Variants in CHRNB1 observed in about 807,000 individuals in gnomAD.
CHRNB1 encodes the protein cholinergic receptor nicotinic beta 1 subunit.
Under a neutral mutation model 53.8 loss-of-function variants are expected in CHRNB1, and 47 were observed. That is an observed-to-expected ratio of 0.87 (90% CI 0.69 to 1.11). CHRNB1 has a LOEUF of 1.11. Ranked by LOEUF, CHRNB1 falls within the 50% of genes most tolerant of loss-of-function variation. CHRNB1 has a pLI of 0.00. For missense variants in CHRNB1, 605 were observed against 654.9 expected (o/e 0.92, Z 0.83); for synonymous variants, 259 against 263.5 (o/e 0.98, Z 0.16).
At chr17:7,448,443 G>T in intron 6 of CHRNB1, 136 bp from the exon 7 acceptor site, 2 of 744,722 alleles carry the variant, frequency 2.7e-6, no homozygotes, top group African/African-American at 1.7e-5. Context: ...TTAGAGATGG[G>T]CTACTCAGCC....
chr17:7,454,167 C>T, intron 7 of CHRNB1, 130 bp from the exon 8 acceptor site: 3 of 813,724 alleles, frequency 3.7e-6, no homozygotes, highest in South Asian at 1.4e-5. Context: ...GCCAGGACTA[C>T]AGGTGTGAAC....
Position 7,446,889 on chromosome 17 carries a change from G to C in CHRNB1, c.300G>C (p.Ser100=), listed in dbSNP as rs376099204. ...WDPAEHDGID[S]LRITAESVWL... is the part of the protein sequence containing the mutation. ...CTGCGGAGCACGACGGCATCGATTC[G>C]CTCCGCATCACGGCGGAATCCGTGT... The change falls in exon 4 of 11, where the codon TCG becomes TCC. Residue 100 remains serine, a synonymous_variant. Coordinates refer to ENST00000306071, the MANE Select transcript of CHRNB1 (RefSeq NM_000747.3). 1.2e-6 allele frequency: 2 copies of C among 1,613,966 alleles called. No homozygotes were observed. The highest frequency in any genetic ancestry group is 1.7e-5 in the Admixed American group (1 of 60,028).
intron 3 of CHRNB1, 128 bp from the exon 4 acceptor site, chr17:7,446,705 C>G (rs1908648007): frequency 4.3e-6 from 3 of 705,766 alleles, no homozygotes; most frequent in Non-Finnish European, 7.5e-6. Flanking sequence ...AGAACCACGG[C>G]CCCTTGACCC....
intron 9 of CHRNB1, 22 bp from the exon 10 acceptor site, chr17:7,455,772 T>C (rs2069943544): frequency 2.5e-6 from 4 of 1,614,030 alleles, no homozygotes; most frequent in East Asian, 2.2e-5. Flanking sequence ...CGTTTGGGCG[T>C]GGCCAGTCAC....
At position 7,453,736 on chromosome 17, in the gene CHRNB1, C is replaced by T. The variant is rs961593454; in HGVS notation, c.821-561C>T. Among the ~76,000 whole-genome samples the T allele has an allele frequency of 2.6e-5, 4 of 151,756 alleles. No homozygotes were observed. The East Asian group carries it at 5.8e-4, about 22-fold the overall frequency. On this transcript the variant is annotated intron_variant, in intron 7 of 10. Transcript: ENST00000306071. ...TCAAATAGTTGGGACCACAAGCATG[C>T]GCCATTGTGCCTGGCTAATTTTTTT...
In CHRNB1 at chr17:7,445,170, G is replaced by A. The variant is rs748784992; in HGVS notation, c.43G>A (p.Ala15Thr). The A allele has an allele frequency of 1.2e-6, 2 of 1,609,434 alleles. No homozygotes were observed. The highest frequency in any genetic ancestry group is 2.2e-5 in the South Asian group (2 of 90,902). The change falls in exon 1 of 11, where the codon GCG (alanine) becomes ACG (threonine). Residue 15 changes from alanine to threonine, a missense_variant. By Grantham distance (58) the Ala-to-Thr change is moderately conservative. Coordinates refer to ENST00000306071, the MANE Select transcript of CHRNB1 (RefSeq NM_000747.3). This position sits in a 1 kb window ranked among gnomAD's most constrained non-coding sequence, Gnocchi z 5.7. ...GCTGATGCTGCTGGGGGCGCTGGGG[G>A]CGCCGCTCGCCCCAGGTAAGTGTAG... The part of the protein sequence containing the change: ...ALLMLLGALG[A>T]PLAPGVRGSE...
chr17:7,456,734 G>A lies in CHRNB1; in HGVS notation c.*11G>A. On this transcript the variant is annotated 3_prime_UTR_variant, in exon 11 of 11. Coordinates refer to ENST00000306071, the MANE Select transcript of CHRNB1 (RefSeq NM_000747.3). ...GACCCCTTTCCTTGAAGACTGGAGG[G>A]TTGAGACCCAGGCCCCCTGCCAGTT... The A allele has an allele frequency of 1.9e-6, 3 of 1,614,120 alleles. No individual in the cohort carries two copies. Among genetic ancestry groups the A allele is most frequent in the Non-Finnish European group, 2.5e-6 (3 of 1,180,032 alleles).
At position 7,445,085 on chromosome 17, in the gene CHRNB1, C is replaced by T; in HGVS notation, c.-43C>T. The T allele has an allele frequency of 6.3e-7, 1 of 1,592,590 alleles. No homozygotes were observed. The highest frequency in any genetic ancestry group is 8.5e-7 in the Non-Finnish European group (1 of 1,173,650). On this transcript the variant is annotated 5_prime_UTR_variant, in exon 1 of 11. Transcript: ENST00000306071. The surrounding 1 kb of genome is among the most constrained non-coding windows in gnomAD (Gnocchi z 5.7). ...CGTCACTTCCCCTGTGCTGGCGGTCCCAGCGGCTCTCTGAGCGAAGTCACT... is the reference window on the plus strand; with the variant it reads ...CGTCACTTCCCCTGTGCTGGCGGTCTCAGCGGCTCTCTGAGCGAAGTCACT...
In CHRNB1 at chr17:7,455,771, G is replaced by A. The variant is rs1354486284; in HGVS notation, c.1218-23G>A. 6.2e-6 allele frequency: 10 copies of A among 1,614,020 alleles called. No homozygotes were observed. The East Asian group carries it at 6.7e-5, about 11-fold the overall frequency. The stretch of plus-strand genomic sequence containing the variant: ...GCACTGGCTGTCTTTGCGTTTGGGC[G>A]TGGCCAGTCACTCCTCTTCCAGGTT... On this transcript the variant is annotated intron_variant, in intron 9 of 10. Coordinates refer to ENST00000306071, the MANE Select transcript of CHRNB1 (RefSeq NM_000747.3).
rs761035556 is a variant in CHRNB1 at position 7,445,398 on chromosome 17, C to G, written c.187C>G (p.Leu63Val). The change falls in exon 2 of 11, where the codon CTC becomes GTC. Residue 63 changes from leucine (L) to valine (V), a missense_variant. Transcript: ENST00000306071. The surrounding 1 kb of genome is among the most constrained non-coding windows in gnomAD (Gnocchi z 5.7). ...RVSVGLILAQ[L>V]ISLNEKDEEM... Reference sequence around the variant, plus strand: ...CAGCGTTGGTCTCATCCTGGCGCAACTCATCAGCCTGGTGAGGGCGCGCGG... The same window carrying G: ...CAGCGTTGGTCTCATCCTGGCGCAAGTCATCAGCCTGGTGAGGGCGCGCGG... 53 of 1,611,846 alleles carry G rather than the reference C, an allele frequency of 3.3e-5. No individual in the cohort carries two copies. The highest frequency in any genetic ancestry group is 1.3e-4 in the African/African-American group (10 of 74,804).
At chr17:7,452,752 G>C (rs1908934890) in intron 7 of CHRNB1, among the ~76,000 whole-genome samples, 1 of 152,220 alleles carries the variant, frequency 6.6e-6, no homozygotes, top group South Asian at 2.1e-4. Context: ...GCCAGGCGTG[G>C]TGGCTCACGC....
chr17:7,451,907 C>T (rs1438017543), intron 7 of CHRNB1, among the ~76,000 whole-genome samples: 1 of 152,168 alleles, frequency 6.6e-6, no homozygotes, highest in African/African-American at 2.4e-5. Flanking sequence ...GGCCACAGCC[C>T]CGCCGCCACC....
At chr17:7,446,493 C>A (rs1199595689) in intron 3 of CHRNB1, 2 of 514,160 alleles carry the variant, frequency 3.9e-6, no homozygotes, top group Admixed American at 3.3e-5. Context: ...GCACCTGGCC[C>A]ATTCTAATTT....
At position 7,454,435 on chromosome 17, in the gene CHRNB1, C is replaced by A. The variant is rs761535567; in HGVS notation, c.959C>A (p.Thr320Asn). ...KYLMFTMVLVTFSVILSVVVL... is the reference protein window; with the variant it reads ...KYLMFTMVLVNFSVILSVVVL... ...CTCATGTTTACCATGGTCCTCGTCA[C>A]CTTCTCAGTCATCCTTAGTGTCGTG... Residue 320 changes from threonine (T) to asparagine (N), a missense_variant, in exon 8 of 11, where the codon ACC becomes AAC. By Grantham distance (65) the Thr-to-Asn change is moderately conservative (BLOSUM62 0). Transcript: ENST00000306071. 1.2e-6 allele frequency: 2 copies of A among 1,614,110 alleles called. No individual in the cohort carries two copies. The highest frequency in any genetic ancestry group is 3.3e-5 in the Admixed American group (2 of 59,996).
rs1306312996 is a variant in CHRNB1 at position 7,447,452 on chromosome 17, C to T, written c.463-51C>T. ...CTCCCCAAAGACCTCCCAAACTCCA[C>T]CAGCGCTGACTGGTTCTCTGGCAGC... On this transcript the variant is annotated intron_variant, in intron 5 of 10. Coordinates refer to ENST00000306071, the MANE Select transcript of CHRNB1 (RefSeq NM_000747.3). 2.5e-6 allele frequency: 4 copies of T among 1,611,442 alleles called. No homozygotes were observed. In the Admixed American group the frequency reaches 5.0e-5, roughly 20 times the overall value.
In CHRNB1 at chr17:7,456,910, A is replaced by G. The variant is rs2069958466; in HGVS notation, c.*187A>G. The stretch of plus-strand genomic sequence containing the variant: ...GTCTTGGACCCACCTGAAATGCAGT[A>G]TCATCTGATTTACTCTTTGGGATCT... On this transcript the variant is annotated 3_prime_UTR_variant, in exon 11 of 11. Transcript: ENST00000306071. 4.4e-6 allele frequency: 3 copies of G among 674,236 alleles called. No individual in the cohort carries two copies. In the South Asian group the frequency reaches 5.5e-5, roughly 12 times the overall value. The allele number at this position is 674,236 out of a possible 1,614,324, so 41.8% of individuals were successfully genotyped here. A position where few individuals can be genotyped will look rare whatever the true frequency, so the allele number is the denominator to read the frequency against.
intron 6 of CHRNB1, 89 bp downstream of exon 6, chr17:7,447,739 AGCC>A: frequency 6.6e-7 from 1 of 1,511,106 alleles, no homozygotes; most frequent in Admixed American, 1.7e-5. Context: ...TGCCCAATAT[AGCC>A]CTGTGGGGTC....
Position 7,456,912 on chromosome 17 carries a change from C to A in CHRNB1, c.*189C>A. 1.5e-6 allele frequency: 1 copy of A among 665,754 alleles called. No individual in the cohort carries two copies. The highest frequency in any genetic ancestry group is 2.8e-5 in the Admixed American group (1 of 36,006). The allele number at this position is 665,754 out of a possible 1,614,324, so 41.2% of individuals were successfully genotyped here. A position where few individuals can be genotyped will look rare whatever the true frequency, so the allele number is the denominator to read the frequency against. On this transcript the variant is annotated 3_prime_UTR_variant, in exon 11 of 11. Coordinates refer to ENST00000306071, the MANE Select transcript of CHRNB1 (RefSeq NM_000747.3). ...CTTGGACCCACCTGAAATGCAGTATCATCTGATTTACTCTTTGGGATCTTG... is the reference window on the plus strand; with the variant it reads ...CTTGGACCCACCTGAAATGCAGTATAATCTGATTTACTCTTTGGGATCTTG...
At position 7,446,128 on chromosome 17, in the gene CHRNB1, CG is replaced by C. The variant is rs747500029; in HGVS notation, c.243+19del. The C allele has an allele frequency of 1.2e-5, 20 of 1,611,270 alleles. No individual in the cohort carries two copies. The Admixed American group carries it at 3.0e-4, about 24-fold the overall frequency. On this transcript the variant is annotated intron_variant, in intron 3 of 10. Transcript: ENST00000306071. ...ACTTAGACCTGGTATGGAGACCCCA[CG>C]GGGTGGGAAAGGGCTTCCCTCTGCC...
Sources: allele counts gnomAD v4.1 joint callset (sites outside exome capture counted in the v4.1 genomes callset), GRCh38; gene constraint gnomAD v4.1.1; non-coding constraint Gnocchi (gnomAD v3.1); transcripts MANE v1.5; gene names NCBI Gene and HGNC (gene_info 2026-07-23, HGNC 2026-07-21).